The following CHD7 variants were observed in gnomAD, a reference collection of about 807,000 sequenced individuals.
CHD7 encodes chromodomain helicase DNA binding protein 7, also known as ATP-dependent chromatin remodeler CHD7.
Under a neutral mutation model 307.3 loss-of-function variants are expected in CHD7, and 24 were observed. The observed-to-expected ratio is 0.08, with a 90% CI of 0.06 to 0.11. CHD7 has a LOEUF of 0.11. Ranked by LOEUF, CHD7 falls within the 10% of genes least tolerant of loss-of-function variation. CHD7 has a pLI of 1.00. For synonymous variants in CHD7, 1,363 were observed against 1,349.9 expected (o/e 1.01, Z -0.21); for missense variants, 3,106 against 3,727.1 (o/e 0.83, Z 4.34).
At chr8:60,782,705 A>G (rs1811312682) in intron 3 of CHD7, among the ~76,000 whole-genome samples, 1 of 152,192 alleles carries the variant, frequency 6.6e-6, no homozygotes, top group Admixed American at 6.5e-5. Flanking sequence ...CTCTTTGTGA[A>G]CATGTTTTTA....
intron 1 of CHD7, among the ~76,000 whole-genome samples, chr8:60,709,140 T>C (rs1348124714): frequency 2.0e-5 from 3 of 152,262 alleles, no homozygotes; most frequent in African/African-American, 7.2e-5. Context: ...AGCCTAGGGC[T>C]ATTTTAGTAT....
At chr8:60,703,587 GT>G (rs200469488) in intron 1 of CHD7, among the ~76,000 whole-genome samples, 1,874 of 152,286 alleles carry the variant, frequency 0.012, 43 homozygotes, top group African/African-American at 0.043. Flanking sequence ...CTCCCATTTT[GT>G]TTAGCCACAT....
At chr8:60,835,598 C>G (rs1226354259) in intron 15 of CHD7, among the ~76,000 whole-genome samples, 1 of 152,136 alleles carries the variant, frequency 6.6e-6, no homozygotes, top group Non-Finnish European at 1.5e-5. Flanking sequence ...ATTATAGACC[C>G]AAACTACTAT....
chr8:60,748,986 T>TAA (rs199593453), intron 2 of CHD7, among the ~76,000 whole-genome samples: 1 of 143,474 alleles, frequency 7.0e-6, no homozygotes, highest in Admixed American at 6.8e-5. Flanking sequence ...TTTTTTTTTT[T>TAA]TAAAAAAATA....
chr8:60,737,906 A>G (rs1395612621), intron 1 of CHD7, among the ~76,000 whole-genome samples: 1 of 152,228 alleles, frequency 6.6e-6, no homozygotes, highest in Non-Finnish European at 1.5e-5. Flanking sequence ...ATTTTGTTTT[A>G]TTCACAGATC....
intron 1 of CHD7, among the ~76,000 whole-genome samples, chr8:60,727,660 T>A (rs747306579): frequency 5.3e-5 from 8 of 152,192 alleles, no homozygotes; most frequent in Non-Finnish European, 8.8e-5. Flanking sequence ...CTTGCTCTTT[T>A]CTCTTGTCAT....
Position 60,854,418 on chromosome 8 carries a change from C to T in CHD7, c.6831C>T (p.Ser2277=), listed in dbSNP as rs572350789. ...ATGAAGAAAGCAATGCTTCCATGAGCACTGCTAGAGATGAAACCCGAGATG... is the reference window on the plus strand; with the variant it reads ...ATGAAGAAAGCAATGCTTCCATGAGTACTGCTAGAGATGAAACCCGAGATG... ...NFDEESNASM[S]TARDETRDGF... is the part of the protein sequence containing the mutation. Residue 2277 remains serine (S), a synonymous_variant, in exon 32 of 38, where the codon AGC becomes AGT. Transcript: ENST00000423902. The T allele has an allele frequency of 1.9e-5, 30 of 1,613,642 alleles. No individual in the cohort carries two copies. In the South Asian group the frequency reaches 3.3e-4, roughly 18 times the overall value.
At position 60,678,782 on chromosome 8, in the gene CHD7, G is replaced by GGCGGCGGCGGCGGCA. The variant is rs1237792665; in HGVS notation, c.-467_-466insGGCGGCAGCGGCGGC. 2 of 141,680 alleles carry GGCGGCGGCGGCGGCA rather than the reference G, an allele frequency of 1.4e-5. No homozygotes were observed. The highest frequency in any genetic ancestry group is 5.1e-5 in the African/African-American group (2 of 38,934). The allele number at this position is 141,680 out of a possible 1,614,324, so 8.8% of individuals were successfully genotyped here. A position where few individuals can be genotyped will look rare whatever the true frequency, so the allele number is the denominator to read the frequency against. ...CTGGGGCCGCGGCGGCGGCGGCGGC[G>GGCGGCGGCGGCGGCA]GCGGCGGCAGCGGCGGCGGCGGCGG... On this transcript the variant is annotated 5_prime_UTR_variant, in exon 1 of 38. Coordinates refer to ENST00000423902, the MANE Select transcript of CHD7 (RefSeq NM_017780.4).
intron 15 of CHD7, among the ~76,000 whole-genome samples, chr8:60,834,289 T>C (rs1345147000): frequency 6.6e-6 from 1 of 151,962 alleles, no homozygotes; most frequent in East Asian, 1.9e-4. Flanking sequence ...TAAAATACTA[T>C]ATTTTATATT....
At chr8:60,713,225 C>T (rs1174643566) in intron 1 of CHD7, among the ~76,000 whole-genome samples, 1 of 151,984 alleles carries the variant, frequency 6.6e-6, no homozygotes, top group Non-Finnish European at 1.5e-5. Flanking sequence ...GATTCTCCTG[C>T]TTCAGCCTCA....
intron 2 of CHD7, among the ~76,000 whole-genome samples, chr8:60,774,552 G>A (rs1001984306): frequency 1.3e-5 from 2 of 152,232 alleles, no homozygotes; most frequent in African/African-American, 4.8e-5. Flanking sequence ...CTCTGTGCTT[G>A]CAGAGCTGAC....
chr8:60,741,930 G>T lies in CHD7; in HGVS notation c.498G>T (p.Gln166His). Reference sequence around the variant, plus strand: ...CCCCCTACCAGCAGCAGCAGCCACAGCCGCAGCCACCGCAGCCGGCTCCGT... The same window carrying T: ...CCCCCTACCAGCAGCAGCAGCCACATCCGCAGCCACCGCAGCCGGCTCCGT... ...IRAPYQQQQPQPQPPQPAPSG... is the reference protein window; with the variant it reads ...IRAPYQQQQPHPQPPQPAPSG... Residue 166 changes from glutamine (Q) to histidine (H), a missense_variant, in exon 2 of 38, where the codon CAG (glutamine) becomes CAT (histidine). Coordinates refer to ENST00000423902, the MANE Select transcript of CHD7 (RefSeq NM_017780.4). 6.2e-7 allele frequency: 1 copy of T among 1,613,076 alleles called. No homozygotes were observed.
intron 2 of CHD7, among the ~76,000 whole-genome samples, chr8:60,760,812 T>G (rs1426190996): frequency 2.0e-5 from 3 of 151,906 alleles, no homozygotes; most frequent in Non-Finnish European, 4.4e-5. Context: ...TCACACCAGT[T>G]AGAATGGCAA....
Position 60,865,600 on chromosome 8 carries a change from G to C in CHD7, c.8661G>C (p.Pro2887=), listed in dbSNP as rs148517660. Residue 2887 remains proline, a synonymous_variant, in exon 38 of 38, where the codon CCG becomes CCC. Coordinates refer to ENST00000423902, the MANE Select transcript of CHD7 (RefSeq NM_017780.4). The surrounding 1 kb of genome is among the most constrained non-coding windows in gnomAD (Gnocchi z 4.3). ...ATAPAGLPSN[P]LAFNPFLLST... is the part of the protein sequence containing the mutation. ...CCCCGGCTGGATTGCCCTCAAACCC[G>C]CTAGCCTTCAACCCTTTCCTCCTGT... 4 of 1,613,962 alleles carry C rather than the reference G, an allele frequency of 2.5e-6. No homozygotes were observed. The South Asian group carries it at 4.4e-5, about 18-fold the overall frequency.
At chr8:60,703,507 T>TC (rs1034428204) in intron 1 of CHD7, among the ~76,000 whole-genome samples, 1 of 152,194 alleles carries the variant, frequency 6.6e-6, no homozygotes, top group African/African-American at 2.4e-5. Flanking sequence ...GCTTTCATTT[T>TC]CCACTCTCCC....
intron 23 of CHD7, among the ~76,000 whole-genome samples, chr8:60,846,608 G>A (rs896440161): frequency 5.3e-5 from 8 of 152,156 alleles, no homozygotes; most frequent in African/African-American, 1.9e-4. Context: ...AGTAGACCTC[G>A]GCAGCAAGAT....
At position 60,781,222 on chromosome 8, in the gene CHD7, A is replaced by C. The variant is rs1193813174; in HGVS notation, c.1888A>C (p.Asn630His). Residue 630 changes from asparagine (N) to histidine (H), a missense_variant, in exon 3 of 38, where the codon AAT becomes CAT. Transcript: ENST00000423902. ...TGGTGGGGTAGATAACCAAGAACTA[A>C]ATAGGAACTCACTGGATGGGTCCCA... ...FPGGVDNQEL[N>H]RNSLDGSQEE... 3 of 1,592,178 alleles carry C rather than the reference A, an allele frequency of 1.9e-6. No individual in the cohort carries two copies. Among genetic ancestry groups the C allele is most frequent in the Non-Finnish European group, 2.6e-6 (3 of 1,168,838 alleles).
At position 60,856,593 on chromosome 8, in the gene CHD7, A is replaced by G. The variant is rs754894988; in HGVS notation, c.7313A>G (p.Gln2438Arg). ...RESQVVSENG[Q>R]EKVVDLSKAS... ...TCTCAGGTGGTCTCAGAAAATGGAC[A>G]AGAAAAAGTTGTAGATTTATCAAAG... Residue 2438 changes from glutamine (Q) to arginine (R), a missense_variant, in exon 34 of 38, where the codon CAA (glutamine) becomes CGA (arginine). Physicochemically the swap from Gln to Arg is conservative, Grantham distance 43 (BLOSUM62 1). This residue lies in a region of CHD7 where 1,030 missense variants were observed against 1,165.4 expected (regional missense o/e 0.88). Coordinates refer to ENST00000423902, the MANE Select transcript of CHD7 (RefSeq NM_017780.4). 3.1e-6 allele frequency: 5 copies of G among 1,613,948 alleles called. No individual in the cohort carries two copies. In the African/African-American group the frequency reaches 4.0e-5, roughly 13 times the overall value.
intron 1 of CHD7, among the ~76,000 whole-genome samples, chr8:60,707,664 C>G (rs1441125428): frequency 6.6e-6 from 1 of 152,204 alleles, no homozygotes; most frequent in Non-Finnish European, 1.5e-5. Flanking sequence ...TCCAATCTGA[C>G]ACATCCTATG....
Sources: allele counts gnomAD v4.1 joint callset (sites outside exome capture counted in the v4.1 genomes callset), GRCh38; gene constraint gnomAD v4.1.1; regional missense constraint gnomAD v4.1.1; non-coding constraint Gnocchi (gnomAD v3.1); transcripts MANE v1.5; gene names NCBI Gene and HGNC (gene_info 2026-07-23, HGNC 2026-07-21).